Variants in CDKAL1 observed in about 807,000 individuals in gnomAD.
CDKAL1 encodes the protein threonylcarbamoyladenosine tRNA methylthiotransferase.
In CDKAL1, 32 loss-of-function variants were observed where a neutral mutation model predicts 68.2. The ratio of observed to expected loss-of-function variants is 0.47; its 90% CI spans 0.35 to 0.63. CDKAL1 has a LOEUF of 0.63. Among genes scored for constraint, CDKAL1 ranks in the 30% least tolerant of loss-of-function variants. The pLI is 0.00. For synonymous variants in CDKAL1, 234 were observed against 244.3 expected, an observed-to-expected ratio of 0.96 and a Z score of 0.39; for missense variants, 606 against 696.7, an observed-to-expected ratio of 0.87 and a Z score of 1.47.
chr6:20,598,923 T>G (rs1037505236), intron 4 of CDKAL1, among the ~76,000 whole-genome samples: 13 of 152,078 alleles, frequency 8.5e-5, no homozygotes, highest in Admixed American at 3.9e-4. Context: ...TTAATTGTAG[T>G]TTGTTGGAAT....
intron 10 of CDKAL1, among the ~76,000 whole-genome samples, chr6:20,990,207 C>T (rs1306495424): frequency 1.3e-5 from 2 of 152,126 alleles, no homozygotes; most frequent in Non-Finnish European, 2.9e-5. Flanking sequence ...CGCAACACTG[C>T]ACTCCAACCT....
chr6:21,161,365 A>C (rs1776918208), intron 13 of CDKAL1, among the ~76,000 whole-genome samples: 1 of 152,216 alleles, frequency 6.6e-6, no homozygotes, highest in African/African-American at 2.4e-5. Flanking sequence ...CTTCATTAAA[A>C]AATTATTTAT....
Position 20,603,833 on chromosome 6 carries a change from G to A in CDKAL1, c.287-45460G>A, listed in dbSNP as rs1051994054. Among the ~76,000 whole-genome samples the A allele has an allele frequency of 8.0e-5, 11 of 138,150 alleles. No homozygotes were observed. In the Admixed American group the frequency reaches 8.8e-4, roughly 11 times the overall value. The allele number at this position is 138,150 out of a possible 152,430, so 90.6% of individuals were successfully genotyped here. ...GCTTAGTCACCCAGGCTGGAGTGCA[G>A]TGGTGTGATACCGGCTCACTGCAAC... is the stretch of plus-strand genomic sequence containing the variant. On this transcript the variant is annotated intron_variant, in intron 4 of 15. Transcript: ENST00000274695.
chr6:20,957,446 T>C (rs1764833309), intron 10 of CDKAL1, among the ~76,000 whole-genome samples: 1 of 152,232 alleles, frequency 6.6e-6, no homozygotes, highest in Non-Finnish European at 1.5e-5. Flanking sequence ...ATCTGAAATA[T>C]AACTTTATAC....
At chr6:20,988,034 C>G (rs1468361813) in intron 10 of CDKAL1, among the ~76,000 whole-genome samples, 5 of 151,974 alleles carry the variant, frequency 3.3e-5, no homozygotes. Flanking sequence ...ATCCTCCCAC[C>G]CTGGCCTCCC....
chr6:20,752,981 G>T (rs1773995318), intron 6 of CDKAL1, among the ~76,000 whole-genome samples: 1 of 151,508 alleles, frequency 6.6e-6, no homozygotes, highest in South Asian at 2.1e-4. Flanking sequence ...CACTCCCAAC[G>T]TTTTTTTTCT....
At chr6:20,617,638 A>T (rs147908539) in intron 4 of CDKAL1, among the ~76,000 whole-genome samples, 1 of 151,976 alleles carries the variant, frequency 6.6e-6, no homozygotes, top group South Asian at 2.1e-4. Flanking sequence ...TTATTGTTCA[A>T]TTCCCACCTG....
intron 9 of CDKAL1, among the ~76,000 whole-genome samples, chr6:20,873,756 AT>A (rs2150547375): frequency 6.6e-6 from 1 of 152,320 alleles, no homozygotes; most frequent in Non-Finnish European, 1.5e-5. Context: ...GCTTTGTTTC[AT>A]GTTACAATTT....
At chr6:21,220,203 T>C (rs1385170219) in intron 15 of CDKAL1, among the ~76,000 whole-genome samples, 1 of 124,372 alleles carries the variant, frequency 8.0e-6, no homozygotes, top group Non-Finnish European at 1.5e-5. Flanking sequence ...CGTGCGTGCG[T>C]GTGTGTGTGT....
intron 12 of CDKAL1, among the ~76,000 whole-genome samples, chr6:21,092,372 C>G (rs1010334079): frequency 1.3e-5 from 2 of 151,634 alleles, no homozygotes; most frequent in Non-Finnish European, 2.9e-5. Context: ...AGGTTTTAAG[C>G]CCCACAGGCA....
chr6:20,762,559 T>C (rs898845343), intron 7 of CDKAL1, among the ~76,000 whole-genome samples: 5 of 152,218 alleles, frequency 3.3e-5, no homozygotes, highest in African/African-American at 1.2e-4. Context: ...TCAGACAGCA[T>C]ATGTCACTGA....
Position 20,540,339 on chromosome 6 carries a change from C to G in CDKAL1, c.-6+4945C>G, listed in dbSNP as rs553273394. On this transcript the variant is annotated intron_variant, in intron 2 of 15. Coordinates refer to ENST00000274695, the MANE Select transcript of CDKAL1 (RefSeq NM_017774.3). ...TCACCCACCTCGGCCTCCCAAAGTG[C>G]TGGGATTACAAACATGAGCCACTGC... is the stretch of plus-strand genomic sequence containing the variant. 4.6e-5 allele frequency among the ~76,000 whole-genome samples: 7 copies of G among 151,500 alleles called. No individual in the cohort carries two copies. The South Asian group carries it at 1.5e-3, about 32-fold the overall frequency.
At chr6:21,128,143 G>T (rs1405285371) in intron 13 of CDKAL1, among the ~76,000 whole-genome samples, 1 of 152,144 alleles carries the variant, frequency 6.6e-6, no homozygotes, top group Non-Finnish European at 1.5e-5. Flanking sequence ...AACTGTACTT[G>T]GAGTTTTAAT....
chr6:20,977,466 T>G (rs1204804588), intron 10 of CDKAL1, among the ~76,000 whole-genome samples: 1 of 152,186 alleles, frequency 6.6e-6, no homozygotes, highest in Non-Finnish European at 1.5e-5. Context: ...CTTAGGCAAA[T>G]TATATAACCC....
At chr6:20,633,985 A>C (rs941755532) in intron 4 of CDKAL1, among the ~76,000 whole-genome samples, 9 of 152,338 alleles carry the variant, frequency 5.9e-5, no homozygotes, top group African/African-American at 2.2e-4. Flanking sequence ...TATTGGAGAT[A>C]ATATTCTGCA....
intron 5 of CDKAL1, among the ~76,000 whole-genome samples, chr6:20,698,866 G>T (rs1771220039): frequency 6.6e-6 from 1 of 152,120 alleles, no homozygotes. Flanking sequence ...AGCCCTTGGT[G>T]TTCCTGTCAG....
At chr6:20,586,849 CT>C (rs1439688730) in intron 4 of CDKAL1, among the ~76,000 whole-genome samples, 6 of 152,044 alleles carry the variant, frequency 3.9e-5, no homozygotes, top group Non-Finnish European at 1.5e-5. Context: ...AAGTGAACAC[CT>C]TTTCTACTTC....
At chr6:21,052,159 T>A (rs1002172237) in intron 11 of CDKAL1, among the ~76,000 whole-genome samples, 1 of 152,262 alleles carries the variant, frequency 6.6e-6, no homozygotes, top group African/African-American at 2.4e-5. Context: ...ATCTGAAATT[T>A]ATTTGAAGAT....
At chr6:20,679,834 G>A (rs1355049909) in intron 5 of CDKAL1, among the ~76,000 whole-genome samples, 1 of 151,936 alleles carries the variant, frequency 6.6e-6, no homozygotes, top group Admixed American at 6.6e-5. Flanking sequence ...GAAGCCTAAG[G>A]GTTTATTAGG....
Sources: gnomAD v4.1 joint callset for allele counts (sites outside exome capture counted in the v4.1 genomes callset) on GRCh38, gnomAD v4.1.1 for gene constraint, MANE v1.5 for transcripts, NCBI Gene and HGNC (gene_info 2026-07-23, HGNC 2026-07-21) for gene names.